The following NUP210L variants were observed in gnomAD, a reference collection of about 807,000 sequenced individuals.
NUP210L encodes the protein nucleoporin 210 like.
NUP210L carries 74 observed loss-of-function variants against 208.5 expected under a neutral mutation model. That is an observed-to-expected ratio of 0.35 (90% CI 0.29 to 0.43). The LOEUF (loss-of-function observed/expected upper bound fraction) is 0.43. Ranked by LOEUF, NUP210L falls within the 20% of genes least tolerant of loss-of-function variation. NUP210L has a pLI of 1.00. For synonymous variants in NUP210L, 780 were observed against 816.9 expected (o/e 0.95, Z 0.77); for missense variants, 1,843 against 2,289.4 (o/e 0.81, Z 3.98).
intron 6 of NUP210L, among the ~76,000 whole-genome samples, chr1:154,136,611 A>C (rs905025551): frequency 7.2e-5 from 11 of 151,864 alleles, no homozygotes; most frequent in Non-Finnish European, 1.6e-4. Context: ...GAGCCAATAC[A>C]TACTTTAAAA....
chr1:154,104,263 G>C (rs927319075), intron 12 of NUP210L, 53 bp from the exon 13 acceptor site: 1 of 1,512,768 alleles, frequency 6.6e-7, no homozygotes, highest in Non-Finnish European at 9.1e-7. Flanking sequence ...AAAAGTCTTA[G>C]GAGGAGGAGA....
intron 7 of NUP210L, among the ~76,000 whole-genome samples, chr1:154,135,407 CT>C (rs1191507922): frequency 1.3e-5 from 2 of 151,756 alleles, no homozygotes; most frequent in Non-Finnish European, 2.9e-5. Flanking sequence ...TAGGAAAACA[CT>C]GTAGTAGTAT....
Position 154,139,655 on chromosome 1 carries a change from C to A in NUP210L, c.717+147G>T, listed in dbSNP as rs543669460. ...ACCAGCCTGGGCAACCTGGTGAAAC[C>A]CTGTCTGTCTCTACAAAAACAAACA... On this transcript the variant is annotated intron_variant, in intron 5 of 39. Transcript: ENST00000368559. 6.6e-4 allele frequency: 423 copies of A among 639,450 alleles called. 3 individuals carry two copies. In the African/African-American group the frequency reaches 7.3e-3, roughly 11 times the overall value. The allele number at this position is 639,450 out of a possible 1,614,324, so 39.6% of individuals were successfully genotyped here.
At chr1:154,144,583 G>A (rs1312725248) in intron 2 of NUP210L, among the ~76,000 whole-genome samples, 1 of 152,008 alleles carries the variant, frequency 6.6e-6, no homozygotes, top group Non-Finnish European at 1.5e-5. Context: ...AATAAAAATT[G>A]TTTTGTACCA....
chr1:154,022,981 T>TA (rs1651652769), intron 31 of NUP210L, 141 bp downstream of exon 31: 5 of 867,470 alleles, frequency 5.8e-6, no homozygotes, highest in Non-Finnish European at 8.6e-6. Context: ...TGGCCTCACT[T>TA]AAAAAAATTT....
intron 16 of NUP210L, among the ~76,000 whole-genome samples, chr1:154,083,472 G>A (rs1422157323): frequency 1.3e-5 from 2 of 152,156 alleles, no homozygotes; most frequent in Non-Finnish European, 2.9e-5. Context: ...CTAGAGGCCA[G>A]TTGGTCAGAA....
chr1:154,154,152 G>A (rs1294376339), intron 1 of NUP210L, among the ~76,000 whole-genome samples: 1 of 151,988 alleles, frequency 6.6e-6, no homozygotes, highest in Non-Finnish European at 1.5e-5. Flanking sequence ...TTATAAATGG[G>A]GCAATTTTGA....
chr1:154,139,736 G>A lies in NUP210L; in HGVS notation c.717+66C>T, dbSNP rs1165457925. ...GGTAGTGCATTCTTGTAGTACCTGG[G>A]CAACAGAGTTAGACCATATCTTGAA... On this transcript the variant is annotated intron_variant, in intron 5 of 39. Transcript: ENST00000368559. 4.8e-6 allele frequency: 6 copies of A among 1,242,470 alleles called. No homozygotes were observed. The South Asian group carries it at 5.6e-5, about 12-fold the overall frequency. The allele number at this position is 1,242,470 out of a possible 1,614,324, so 77.0% of individuals were successfully genotyped here. A position where few individuals can be genotyped will look rare whatever the true frequency, so the allele number is the denominator to read the frequency against.
At chr1:154,066,133 G>C (rs1157887450) in intron 17 of NUP210L, among the ~76,000 whole-genome samples, 1 of 152,086 alleles carries the variant, frequency 6.6e-6, no homozygotes, top group Non-Finnish European at 1.5e-5. Context: ...GTAGTGGGTA[G>C]AGGGAAATTT....
At chr1:154,155,073 C>G (rs114697636) in exon 1 of NUP210L, 55,896 of 1,527,748 alleles carry the variant, frequency 0.037, 1,283 homozygotes, top group Non-Finnish European at 0.042. Context: ...GGTTCCCGCT[C>G]AACTACAGCC....
exon 40 of NUP210L, chr1:153,992,911 G>C: frequency 6.2e-7 from 1 of 1,613,112 alleles, no homozygotes; most frequent in Non-Finnish European, 8.5e-7. Context: ...GAAGTGAGGG[G>C]GAGAACTTGT....
intron 25 of NUP210L, among the ~76,000 whole-genome samples, 194 bp from the exon 26 acceptor site, chr1:154,046,563 A>T (rs1212945625): frequency 6.6e-6 from 1 of 152,260 alleles, no homozygotes; most frequent in Admixed American, 6.5e-5. Context: ...AAATGGATAA[A>T]GAAAATGTGG....
At chr1:153,998,290 T>TA (rs1262681016) in intron 37 of NUP210L, among the ~76,000 whole-genome samples, 1 of 152,084 alleles carries the variant, frequency 6.6e-6, no homozygotes, top group Non-Finnish European at 1.5e-5. Flanking sequence ...CGCAGTAACT[T>TA]ACGCCTGTAA....
intron 34 of NUP210L, among the ~76,000 whole-genome samples, chr1:154,011,899 C>T (rs1019535609): frequency 6.6e-6 from 1 of 151,634 alleles, no homozygotes; most frequent in Non-Finnish European, 1.5e-5. Flanking sequence ...GTTGGTCAGG[C>T]TGGTCTTGAA....
intron 16 of NUP210L, among the ~76,000 whole-genome samples, chr1:154,076,301 A>C (rs1655037046): frequency 6.6e-6 from 1 of 151,622 alleles, no homozygotes; most frequent in South Asian, 2.1e-4. Flanking sequence ...ACAGGGTTTC[A>C]TCAGATTGGC....
At chr1:154,026,421 T>C (rs1651880468) in intron 29 of NUP210L, among the ~76,000 whole-genome samples, 1 of 152,050 alleles carries the variant, frequency 6.6e-6, no homozygotes, top group Non-Finnish European at 1.5e-5. Flanking sequence ...TGATCTTGGC[T>C]CACTGCAGCC....
chr1:153,993,131 A>G lies in NUP210L; in HGVS notation c.5492-42T>C, dbSNP rs753219404. On this transcript the variant is annotated intron_variant, in intron 38 of 39. Coordinates refer to ENST00000368559, the Ensembl canonical transcript of NUP210L. ...AAATGTCACAAGGCATATCTGAGGAAGGCCTTAAAAGGCAAAGTCAACTCT... is the reference window on the plus strand; with the variant it reads ...AAATGTCACAAGGCATATCTGAGGAGGGCCTTAAAAGGCAAAGTCAACTCT... 10 of 1,379,838 alleles carry G rather than the reference A, an allele frequency of 7.2e-6. No homozygotes were observed. In the African/African-American group the frequency reaches 1.3e-4, roughly 18 times the overall value. 85.5% of individuals were successfully genotyped at this position (1,379,838 alleles called of 1,614,324 possible). A position where few individuals can be genotyped will look rare whatever the true frequency, so the allele number is the denominator to read the frequency against.
chr1:154,034,957 T>G (rs1327343183), intron 27 of NUP210L, among the ~76,000 whole-genome samples: 2 of 151,460 alleles, frequency 1.3e-5, no homozygotes, highest in African/African-American at 2.4e-5. Context: ...TTCTCCTGCC[T>G]CAGCCTCCTG....
intron 21 of NUP210L, 87 bp downstream of exon 21, chr1:154,058,478 A>G (rs999678825): frequency 3.5e-5 from 50 of 1,447,392 alleles, no homozygotes; most frequent in Non-Finnish European, 4.0e-5. Context: ...ATACACACAC[A>G]GTAGCTGAGC....
Sources: allele counts gnomAD v4.1 joint callset (sites outside exome capture counted in the v4.1 genomes callset), GRCh38; gene constraint gnomAD v4.1.1; transcripts MANE v1.5; gene names NCBI Gene and HGNC (gene_info 2026-07-23, HGNC 2026-07-21).